The following SCUBE1 variants were observed in gnomAD, a reference collection of about 807,000 sequenced individuals.
The protein encoded by SCUBE1 is signal peptide, CUB domain and EGF like domain containing 1.
In SCUBE1, 59 loss-of-function variants were observed where a neutral mutation model predicts 124.4. The ratio of observed to expected loss-of-function variants is 0.47; its 90% CI spans 0.38 to 0.59. The LOEUF (loss-of-function observed/expected upper bound fraction) is 0.59, where lower values mean the gene tolerates loss of function less well. Among genes scored for constraint, SCUBE1 ranks in the 20% least tolerant of loss-of-function variants. The pLI is 0.00. For missense variants in SCUBE1, 1,150 were observed against 1,371.2 expected (o/e 0.84, Z 2.55); for synonymous variants, 545 against 550.9 (o/e 0.99, Z 0.15).
chr22:43,323,137 C>T (rs1441135606), intron 2 of SCUBE1, among the ~76,000 whole-genome samples: 1 of 152,166 alleles, frequency 6.6e-6, no homozygotes, highest in Non-Finnish European at 1.5e-5. Context: ...TCACCCTTGG[C>T]ACATTTATAC....
At chr22:43,273,662 T>C (rs1924383892) in intron 4 of SCUBE1, among the ~76,000 whole-genome samples, 1 of 135,372 alleles carries the variant, frequency 7.4e-6, no homozygotes, top group African/African-American at 2.7e-5. Flanking sequence ...AGCCTTGAAC[T>C]CCAGGGCTCA....
chr22:43,292,330 A>G (rs566804556), intron 3 of SCUBE1, among the ~76,000 whole-genome samples: 1 of 152,250 alleles, frequency 6.6e-6, no homozygotes, highest in East Asian at 1.9e-4. Context: ...GCTGGCACAA[A>G]GGGCGCTATT....
At chr22:43,214,449 G>A (rs11912230) in intron 15 of SCUBE1, among the ~76,000 whole-genome samples, 198 bp from the exon 16 acceptor site, 2,506 of 152,312 alleles carry the variant, frequency 0.016, 54 homozygotes, top group Middle Eastern at 0.054. Context: ...GGGCCATGAA[G>A]CCTGGCCCCT....
At chr22:43,275,395 G>A (rs998030939) in intron 4 of SCUBE1, among the ~76,000 whole-genome samples, 2 of 152,194 alleles carry the variant, frequency 1.3e-5, no homozygotes, top group Admixed American at 6.5e-5. Flanking sequence ...CACACACTTC[G>A]GGCATGAGTC....
At chr22:43,231,599 C>T (rs1163281975) in intron 8 of SCUBE1, among the ~76,000 whole-genome samples, 154 bp downstream of exon 8, 2 of 152,182 alleles carry the variant, frequency 1.3e-5, no homozygotes, top group African/African-American at 2.4e-5. Flanking sequence ...ACAGATTGGA[C>T]TGGATGTCCC....
intron 5 of SCUBE1, among the ~76,000 whole-genome samples, chr22:43,260,940 T>G (rs543223657): frequency 6.6e-6 from 1 of 152,212 alleles, no homozygotes; most frequent in Non-Finnish European, 1.5e-5. Context: ...TTGTGTCAGA[T>G]GTACTATGGG....
At chr22:43,337,045 C>T (rs1012626832) in intron 2 of SCUBE1, among the ~76,000 whole-genome samples, 2 of 151,970 alleles carry the variant, frequency 1.3e-5, no homozygotes, top group Non-Finnish European at 2.9e-5. Flanking sequence ...GGTGGAGGCC[C>T]GAATTTGGCT....
chr22:43,339,290 G>A (rs1927189211), intron 1 of SCUBE1, 55 bp from the exon 2 acceptor site: 2 of 1,580,130 alleles, frequency 1.3e-6, no homozygotes, highest in Non-Finnish European at 8.7e-7. Flanking sequence ...CAGGGCAGGT[G>A]GCCGATAGTG....
chr22:43,323,722 C>G (rs1292781904), intron 2 of SCUBE1, among the ~76,000 whole-genome samples: 4 of 152,162 alleles, frequency 2.6e-5, no homozygotes, highest in African/African-American at 9.7e-5. Context: ...CATGCACACA[C>G]ACGCACATTC....
intron 7 of SCUBE1, chr22:43,238,451 G>C (rs1922857828): frequency 1.9e-6 from 1 of 531,148 alleles, no homozygotes; most frequent in Non-Finnish European, 3.4e-6. Flanking sequence ...CAAAGGTCAA[G>C]GGGTTCGGAA....
At chr22:43,315,734 T>A (rs1351621270) in intron 3 of SCUBE1, among the ~76,000 whole-genome samples, 3 of 124,228 alleles carry the variant, frequency 2.4e-5, no homozygotes, top group Middle Eastern at 4.0e-3. Flanking sequence ...TTGCAATCTG[T>A]GCTCAGAGGT....
intron 3 of SCUBE1, among the ~76,000 whole-genome samples, chr22:43,305,501 G>C (rs1925935470): frequency 6.6e-6 from 1 of 152,176 alleles, no homozygotes; most frequent in African/African-American, 2.4e-5. Context: ...CAGGCCGGGA[G>C]GAGGTTCTCC....
chr22:43,333,566 G>A (rs1926968328), intron 2 of SCUBE1, among the ~76,000 whole-genome samples: 1 of 152,174 alleles, frequency 6.6e-6, no homozygotes, highest in Non-Finnish European at 1.5e-5. Context: ...TAAGAGGCTC[G>A]GTCAGCCTCA....
At chr22:43,267,566 C>T (rs951099151) in intron 4 of SCUBE1, among the ~76,000 whole-genome samples, 2 of 152,224 alleles carry the variant, frequency 1.3e-5, no homozygotes, top group African/African-American at 4.8e-5. Context: ...TTCCCCCTCA[C>T]TTAACACAGC....
intron 8 of SCUBE1, among the ~76,000 whole-genome samples, chr22:43,230,924 G>A (rs559060153): frequency 3.9e-5 from 6 of 152,188 alleles, no homozygotes; most frequent in Non-Finnish European, 5.9e-5. Context: ...ACCCAGACAA[G>A]GCCACATGCT....
At chr22:43,218,480 A>G in intron 14 of SCUBE1, 22 bp from the exon 15 acceptor site, 2 of 1,602,866 alleles carry the variant, frequency 1.2e-6, no homozygotes, top group Non-Finnish European at 8.5e-7. Flanking sequence ...GGAGAGACAG[A>G]ACATGAATCG....
intron 5 of SCUBE1, 91 bp downstream of exon 5, chr22:43,262,629 T>A (rs1182781024): frequency 1.3e-6 from 2 of 1,530,592 alleles, no homozygotes; most frequent in Admixed American, 1.8e-5. Flanking sequence ...GGACCCTCCC[T>A]GGCCAAAGTC....
chr22:43,321,477 A>C (rs1926552629), intron 2 of SCUBE1, among the ~76,000 whole-genome samples: 1 of 152,180 alleles, frequency 6.6e-6, no homozygotes, highest in Non-Finnish European at 1.5e-5. Flanking sequence ...CTGGAGGTGT[A>C]AGCACTGCCC....
At chr22:43,253,713 C>T (rs963702880) in intron 6 of SCUBE1, among the ~76,000 whole-genome samples, 4 of 152,198 alleles carry the variant, frequency 2.6e-5, no homozygotes, top group Admixed American at 6.5e-5. Context: ...CAGAGGCCCT[C>T]CTCCCCCCGC....
Sources: gnomAD v4.1 joint callset for allele counts (sites outside exome capture counted in the v4.1 genomes callset) on GRCh38, gnomAD v4.1.1 for gene constraint, MANE v1.5 for transcripts, NCBI Gene and HGNC (gene_info 2026-07-23, HGNC 2026-07-21) for gene names.